OPCML: variants seen among roughly 807,000 people sequenced by gnomAD.
The protein encoded by OPCML is opioid-binding protein/cell adhesion molecule.
In OPCML, 13 loss-of-function variants were observed where a neutral mutation model predicts 37.8. That is an observed-to-expected ratio of 0.34 (90% confidence interval 0.22 to 0.55). OPCML has a LOEUF of 0.55. Ranked by LOEUF, OPCML falls within the 20% of genes least tolerant of loss-of-function variation. The pLI is 0.91. For missense variants in OPCML, 341 were observed against 435.6 expected, an observed-to-expected ratio of 0.78 and a Z score of 1.93; for synonymous variants, 176 against 168.8, an observed-to-expected ratio of 1.04 and a Z score of -0.33.
At chr11:132,420,668 G>A (rs917733716) in intron 7 of OPCML, among the ~76,000 whole-genome samples, 1 of 152,186 alleles carries the variant, frequency 6.6e-6, no homozygotes, top group Admixed American at 6.5e-5. Flanking sequence ...AGACAATGAT[G>A]AGTCGGGGGG....
chr11:133,229,094 T>G (rs1940164149), intron 1 of OPCML, among the ~76,000 whole-genome samples: 1 of 152,160 alleles, frequency 6.6e-6, no homozygotes, highest in Non-Finnish European at 1.5e-5. Flanking sequence ...GGCCAGGGCA[T>G]GAAAGGGACA....
chr11:132,832,509 C>G (rs1287632464), intron 2 of OPCML, among the ~76,000 whole-genome samples: 1 of 152,198 alleles, frequency 6.6e-6, no homozygotes, highest in South Asian at 2.1e-4. Flanking sequence ...CTTACATGCA[C>G]ACACATACAT....
At chr11:132,756,198 A>C (rs1317824333) in intron 2 of OPCML, among the ~76,000 whole-genome samples, 9 of 152,196 alleles carry the variant, frequency 5.9e-5, no homozygotes. Context: ...TACGCCTACA[A>C]GAGGGTGTGC....
intron 3 of OPCML, among the ~76,000 whole-genome samples, chr11:132,640,766 T>G (rs1940807215): frequency 6.6e-6 from 1 of 152,140 alleles, no homozygotes; most frequent in Non-Finnish European, 1.5e-5. Context: ...TGGGAAAGCC[T>G]GAGCTCATAT....
In OPCML at chr11:133,155,202, C is replaced by T. The variant is rs576875347; in HGVS notation, c.62-212192G>A. Among the ~76,000 whole-genome samples, 34 of 152,318 alleles carry T rather than the reference C, an allele frequency of 2.2e-4. 2 individuals are homozygous for T. The South Asian group carries it at 6.6e-3, about 30-fold the overall frequency. The stretch of plus-strand genomic sequence containing the variant: ...TGCCTCCATCCCTGCTTTCATTTTA[C>T]TGTCTTGAATGCATCACCTTTTCTC... On this transcript the variant is annotated intron_variant, in intron 1 of 7. Transcript: ENST00000524381.
intron 2 of OPCML, among the ~76,000 whole-genome samples, chr11:132,758,431 C>T (rs566471395): frequency 1.4e-4 from 21 of 152,128 alleles, no homozygotes; most frequent in Admixed American, 2.6e-4. Flanking sequence ...TCTTCCTATC[C>T]ATGAGCATGG....
intron 3 of OPCML, among the ~76,000 whole-genome samples, chr11:132,552,528 G>A (rs950773510): frequency 6.6e-6 from 1 of 152,030 alleles, no homozygotes; most frequent in African/African-American, 2.4e-5. Flanking sequence ...TTTTTTGAAG[G>A]CAACAAATAA....
Position 132,761,396 on chromosome 11 carries a change from T to A in OPCML, c.147-104077A>T, listed in dbSNP as rs114423151. ...AGTTCTACTGGATGATATCACGAAG[T>A]GTGTTTTCCAACTTGGTTCCATTTT... On this transcript the variant is annotated intron_variant, in intron 2 of 7. Transcript: ENST00000524381. Among the ~76,000 whole-genome samples, 1,250 of 152,268 alleles carry A rather than the reference T, an allele frequency of 8.2e-3. 17 individuals carry two copies. Among genetic ancestry groups the A allele is most frequent in the African/African-American group, 0.028 (1,146 of 41,552 alleles).
intron 1 of OPCML, chr11:133,064,600 G>C (rs543654780): frequency 6.6e-6 from 1 of 152,432 alleles, no homozygotes; most frequent in East Asian, 1.9e-4. Flanking sequence ...TGTGCTGCCT[G>C]AATTCTTGTC....
At chr11:133,064,392 TCCCGTGGACAAACAC>T (rs1362126874) in intron 1 of OPCML, among the ~76,000 whole-genome samples, 1 of 152,188 alleles carries the variant, frequency 6.6e-6, no homozygotes, top group African/African-American at 2.4e-5. Context: ...CAGGGAGCAT[TCCCGTGGACAAACAC>T]CCCTTTCCCT....
intron 2 of OPCML, among the ~76,000 whole-genome samples, chr11:132,675,757 T>C (rs903493299): frequency 3.9e-5 from 6 of 152,208 alleles, no homozygotes; most frequent in African/African-American, 1.4e-4. Context: ...GCTTATGCTC[T>C]AAAAACAAAA....
At chr11:133,001,151 A>G (rs1856597807) in intron 1 of OPCML, among the ~76,000 whole-genome samples, 1 of 152,218 alleles carries the variant, frequency 6.6e-6, no homozygotes, top group African/African-American at 2.4e-5. Context: ...TAATGATGCA[A>G]ACTGACTGAC....
At chr11:132,541,910 C>A (rs996690505) in intron 3 of OPCML, among the ~76,000 whole-genome samples, 1 of 152,188 alleles carries the variant, frequency 6.6e-6, no homozygotes, top group Non-Finnish European at 1.5e-5. Context: ...AGGTTTGGAA[C>A]AGAAGTGGCC....
chr11:133,340,125 A>T (rs1159998923), intron 1 of OPCML, among the ~76,000 whole-genome samples: 1 of 152,208 alleles, frequency 6.6e-6, no homozygotes, highest in Non-Finnish European at 1.5e-5. Context: ...TCTACATGGC[A>T]GTGAGAACTC....
At chr11:133,320,426 T>C (rs1943301778) in intron 1 of OPCML, among the ~76,000 whole-genome samples, 1 of 152,188 alleles carries the variant, frequency 6.6e-6, no homozygotes, top group Non-Finnish European at 1.5e-5. Context: ...CTCCTCTAAG[T>C]ATCTATTCCT....
At chr11:133,346,302 T>A (rs1055305044) in intron 1 of OPCML, among the ~76,000 whole-genome samples, 1 of 152,178 alleles carries the variant, frequency 6.6e-6, no homozygotes, top group Admixed American at 6.5e-5. Context: ...CAGTGCAGCA[T>A]CCCTGAATGC....
intron 2 of OPCML, among the ~76,000 whole-genome samples, chr11:132,814,784 G>A (rs1939537999): frequency 6.6e-6 from 1 of 152,106 alleles, no homozygotes; most frequent in Non-Finnish European, 1.5e-5. Flanking sequence ...GGGGGCTGTG[G>A]AGGAATTAGG....
chr11:132,714,535 C>A (rs1944394947), intron 2 of OPCML, among the ~76,000 whole-genome samples: 1 of 152,144 alleles, frequency 6.6e-6, no homozygotes, highest in Non-Finnish European at 1.5e-5. Flanking sequence ...CGCAATGCCG[C>A]ATCAGAATGA....
At chr11:132,741,370 C>T (rs1945427685) in intron 2 of OPCML, among the ~76,000 whole-genome samples, 1 of 152,114 alleles carries the variant, frequency 6.6e-6, no homozygotes, top group Non-Finnish European at 1.5e-5. Flanking sequence ...AACCTGAAAA[C>T]ATTTTTGACA....
Sources: allele counts gnomAD v4.1 joint callset (sites outside exome capture counted in the v4.1 genomes callset), GRCh38; gene constraint gnomAD v4.1.1; transcripts MANE v1.5; gene names NCBI Gene and HGNC (gene_info 2026-07-23, HGNC 2026-07-21).